Variants in KCNH8 observed in about 807,000 individuals in gnomAD.
KCNH8 encodes voltage-gated delayed rectifier potassium channel KCNH8.
A neutral mutation model predicts 103.6 loss-of-function variants in KCNH8; 70 were observed. The ratio of observed to expected loss-of-function variants is 0.68; its 90% CI spans 0.56 to 0.82. The LOEUF is 0.82. KCNH8 is among the 40% of genes least tolerant of loss of function. The probability of loss-of-function intolerance (pLI) is 0.00; values close to 1 mark genes in which losing one functional copy is unlikely to be tolerated. For synonymous variants in KCNH8, 498 were observed against 489.4 expected (o/e 1.02, Z -0.23); for missense variants, 1,217 against 1,329.9 (o/e 0.92, Z 1.32).
chr3:19,302,731 C>G (rs1186835751), intron 3 of KCNH8, among the ~76,000 whole-genome samples: 1 of 152,128 alleles, frequency 6.6e-6, no homozygotes, highest in Admixed American at 6.6e-5. Flanking sequence ...CATCCCCAAC[C>G]CTTTATCATA....
chr3:19,367,123 T>A (rs1037037278), intron 5 of KCNH8, among the ~76,000 whole-genome samples: 1 of 151,942 alleles, frequency 6.6e-6, no homozygotes, highest in Non-Finnish European at 1.5e-5. Flanking sequence ...CTCAACTGTG[T>A]CATTCTTTTC....
chr3:19,369,277 A>G (rs1013444143), intron 5 of KCNH8, among the ~76,000 whole-genome samples: 1 of 151,642 alleles, frequency 6.6e-6, no homozygotes, highest in Admixed American at 6.6e-5. Context: ...ATCTGACTAG[A>G]CCTCTTTCCA....
At chr3:19,506,107 A>C (rs1046364996) in intron 11 of KCNH8, among the ~76,000 whole-genome samples, 1 of 152,030 alleles carries the variant, frequency 6.6e-6, no homozygotes, top group African/African-American at 2.4e-5. Context: ...CTTTCTCCTG[A>C]ATCTCGATTG....
chr3:19,162,358 C>CAAAAAAAAA, intron 1 of KCNH8, among the ~76,000 whole-genome samples: 1 of 75,816 alleles, frequency 1.3e-5, no homozygotes, highest in South Asian at 4.0e-4. Context: ...ACTAAAAATA[C>CAAAAAAAAA]AAAAAAAAAA....
At chr3:19,317,737 T>C (rs2065292241) in intron 3 of KCNH8, among the ~76,000 whole-genome samples, 1 of 151,840 alleles carries the variant, frequency 6.6e-6, no homozygotes, top group South Asian at 2.1e-4. Context: ...CATAATTATC[T>C]CAATAGATGC....
rs1345384549 is a variant in KCNH8 at position 19,534,724 on chromosome 3, TTAAA to T, written c.*628_*631del. The T allele has an allele frequency of 2.0e-5, 3 of 152,620 alleles. No individual in the cohort carries two copies. The highest frequency in any genetic ancestry group is 1.9e-4 in the East Asian group (1 of 5,196). 9.5% of individuals were successfully genotyped at this position (152,620 alleles called of 1,614,324 possible). A position where few individuals can be genotyped will look rare whatever the true frequency, so the allele number is the denominator to read the frequency against. On this transcript the variant is annotated 3_prime_UTR_variant, in exon 16 of 16. Coordinates refer to ENST00000328405, the MANE Select transcript of KCNH8 (RefSeq NM_144633.3). ...GGTATGAAATATGTATTTAAACTATTTAAATATTTATAAAGAAATGAATGTTTTC... is the reference window on the plus strand; with the variant it reads ...GGTATGAAATATGTATTTAAACTATTTATTTATAAAGAAATGAATGTTTTC...
intron 5 of KCNH8, among the ~76,000 whole-genome samples, chr3:19,388,159 C>T (rs1426213435): frequency 6.6e-6 from 1 of 151,942 alleles, no homozygotes; most frequent in East Asian, 1.9e-4. Flanking sequence ...GAATTTATCC[C>T]CTTTAATTTT....
chr3:19,486,122 G>T (rs2068202091), intron 11 of KCNH8, among the ~76,000 whole-genome samples: 1 of 152,334 alleles, frequency 6.6e-6, no homozygotes, highest in Admixed American at 6.5e-5. Flanking sequence ...CTTGTGGGTT[G>T]ATGAAGCTGC....
chr3:19,531,745 AT>A (rs1478809362), intron 15 of KCNH8, among the ~76,000 whole-genome samples: 1 of 152,210 alleles, frequency 6.6e-6, no homozygotes, highest in Non-Finnish European at 1.5e-5. Flanking sequence ...TGCTGGATGA[AT>A]TAGGAATATG....
chr3:19,373,806 G>A (rs1000971917), intron 5 of KCNH8, among the ~76,000 whole-genome samples: 36 of 151,928 alleles, frequency 2.4e-4, no homozygotes, highest in Admixed American at 1.4e-3. Flanking sequence ...CTGGTATGTT[G>A]TGTCTTTGTT....
At chr3:19,369,703 T>C (rs1433586521) in intron 5 of KCNH8, among the ~76,000 whole-genome samples, 1 of 152,000 alleles carries the variant, frequency 6.6e-6, no homozygotes, top group Non-Finnish European at 1.5e-5. Flanking sequence ...TCCTGGATTT[T>C]CCCATATTTG....
chr3:19,494,321 C>T (rs1165422456), intron 11 of KCNH8, among the ~76,000 whole-genome samples: 1 of 152,202 alleles, frequency 6.6e-6, no homozygotes, highest in African/African-American at 2.4e-5. Context: ...ATGATTGAAT[C>T]ATGGGAGTGG....
intron 11 of KCNH8, among the ~76,000 whole-genome samples, chr3:19,471,754 CA>C (rs1445357602): frequency 6.6e-6 from 1 of 152,148 alleles, no homozygotes; most frequent in African/African-American, 2.4e-5. Context: ...CACCTGACTT[CA>C]AAACCCAGTT....
chr3:19,162,494 G>A (rs2063243997), intron 1 of KCNH8, among the ~76,000 whole-genome samples: 2 of 151,842 alleles, frequency 1.3e-5, no homozygotes, highest in Admixed American at 6.6e-5. Context: ...ACGACAGAGT[G>A]AGGCTCCTTC....
intron 11 of KCNH8, among the ~76,000 whole-genome samples, chr3:19,502,699 G>C (rs1395984651): frequency 6.6e-6 from 1 of 151,414 alleles, no homozygotes; most frequent in Non-Finnish European, 1.5e-5. Context: ...TTTAATAAAT[G>C]GTGCTGGGAA....
At chr3:19,464,140 C>CA (rs1296906413) in intron 11 of KCNH8, among the ~76,000 whole-genome samples, 2 of 152,082 alleles carry the variant, frequency 1.3e-5, no homozygotes, top group African/African-American at 4.8e-5. Flanking sequence ...GTCACACTAA[C>CA]AAAACTTTAG....
rs369279999 is a variant in KCNH8 at position 19,308,809 on chromosome 3, CCTCT to C, written c.442+27494_442+27497del. On this transcript the variant is annotated intron_variant, in intron 3 of 15. Coordinates refer to ENST00000328405, the MANE Select transcript of KCNH8 (RefSeq NM_144633.3). ...CTCCCTCTCTCTCTCTCCCTTTCTC[CCTCT>C]CTCTCTCTCTCTCCCCTCCTCCTTC... 2.0e-3 allele frequency among the ~76,000 whole-genome samples: 201 copies of C among 100,910 alleles called. 17 individuals are homozygous for C. Among genetic ancestry groups the C allele is most frequent in the African/African-American group, 8.6e-3 (178 of 20,768 alleles). 66.2% of individuals were successfully genotyped at this position (100,910 alleles called of 152,430 possible). A position where few individuals can be genotyped will look rare whatever the true frequency, so the allele number is the denominator to read the frequency against.
At chr3:19,329,027 T>A (rs1386068834) in intron 3 of KCNH8, among the ~76,000 whole-genome samples, 1 of 152,194 alleles carries the variant, frequency 6.6e-6, no homozygotes, top group East Asian at 1.9e-4. Flanking sequence ...TTTCTGTTTC[T>A]AAAAGCTTTC....
At chr3:19,200,328 G>A (rs2063644887) in intron 1 of KCNH8, among the ~76,000 whole-genome samples, 1 of 151,968 alleles carries the variant, frequency 6.6e-6, no homozygotes. Flanking sequence ...TTGTTTTTAT[G>A]TGTCTGTTTT....
Sources: allele counts gnomAD v4.1 joint callset (sites outside exome capture counted in the v4.1 genomes callset), GRCh38; gene constraint gnomAD v4.1.1; transcripts MANE v1.5; gene names NCBI Gene and HGNC (gene_info 2026-07-23, HGNC 2026-07-21).